The following IFI27 variants were observed in gnomAD, a reference collection of about 807,000 sequenced individuals.
IFI27 encodes interferon alpha inducible protein 27, also known as interferon alpha-inducible protein 27, mitochondrial.
Under a neutral mutation model 8.9 loss-of-function variants are expected in IFI27, and 3 were observed. The ratio of observed to expected loss-of-function variants is 0.34; its 90% CI spans 0.15 to 0.87. The LOEUF is 0.87. IFI27 is among the 40% of genes least tolerant of loss of function. The probability of loss-of-function intolerance (pLI) is 0.51; values close to 1 mark genes in which losing one functional copy is unlikely to be tolerated. For missense variants in IFI27, 152 were observed against 157.7 expected (o/e 0.96, Z 0.19); for synonymous variants, 66 against 67.3 (o/e 0.98, Z 0.09).
chr14:94,106,073 T>A (rs1329016258), upstream of IFI27, among the ~76,000 whole-genome samples: 1 of 152,212 alleles, frequency 6.6e-6, no homozygotes. Context: ...CCCCTTGGTG[T>A]CTGGTCAGGG....
At chr14:94,110,604 A>G (rs189217986), upstream of IFI27, 3 of 152,302 alleles carry the variant, frequency 2.0e-5, no homozygotes, top group African/African-American at 7.2e-5. Context: ...TGGACTGCGC[A>G]TGAGGGGAGA....
In IFI27 at chr14:94,111,640, A is replaced by G; in HGVS notation, c.-43A>G. ...CCTTCGGCAGGTCTGGCTGAAGTTGAGGATCTCTTACTCTCTAGGCCACGG... is the reference window on the plus strand; with the variant it reads ...CCTTCGGCAGGTCTGGCTGAAGTTGGGGATCTCTTACTCTCTAGGCCACGG... On this transcript the variant is annotated 5_prime_UTR_variant, in exon 2 of 5. Coordinates refer to ENST00000621160, the Ensembl canonical transcript of IFI27. The surrounding 1 kb of genome is among the most constrained non-coding windows in gnomAD (Gnocchi z 4.3). 6.5e-7 allele frequency: 1 copy of G among 1,529,508 alleles called. No individual in the cohort carries two copies. Among genetic ancestry groups the G allele is most frequent in the Non-Finnish European group, 9.1e-7 (1 of 1,103,118 alleles). The allele number at this position is 1,529,508 out of a possible 1,614,324, so 94.7% of individuals were successfully genotyped here. A position where few individuals can be genotyped will look rare whatever the true frequency, so the allele number is the denominator to read the frequency against.
intron 2 of IFI27, chr14:94,114,521 A>C (rs1887313739): frequency 2.7e-6 from 1 of 374,112 alleles, no homozygotes; most frequent in Admixed American, 3.9e-5. Context: ...GTTCATTTTC[A>C]TTCTGCTTTT....
chr14:94,115,793 C>T lies in IFI27; in HGVS notation c.134C>T (p.Ala45Val), dbSNP rs1032772430. The T allele has an allele frequency of 4.1e-4, 261 of 641,194 alleles. 1 individual carries two copies. In the South Asian group the frequency reaches 4.5e-3, roughly 11 times the overall value. The allele number at this position is 641,194 out of a possible 1,614,324, so 39.7% of individuals were successfully genotyped here. A position where few individuals can be genotyped will look rare whatever the true frequency, so the allele number is the denominator to read the frequency against. Residue 45 changes from alanine (A) to valine (V), a missense_variant, in exon 4 of 5, where the codon GCG (alanine) becomes GTG (valine). By Grantham distance (64) the Ala-to-Val change is moderately conservative. Coordinates refer to ENST00000621160, the Ensembl canonical transcript of IFI27. ...CTCTTCCCTGCAGTTGTGGCCATGG[C>T]GGCTGTGCCCATGGTGCTCAGTGCC... is the stretch of plus-strand genomic sequence containing the variant.
At chr14:94,106,275 T>C (rs1317883875), upstream of IFI27, among the ~76,000 whole-genome samples, 3 of 152,232 alleles carry the variant, frequency 2.0e-5, no homozygotes, top group Non-Finnish European at 2.9e-5. Context: ...TTAACGAATT[T>C]GGCGGGGCCG....
chr14:94,111,798 T>C lies in IFI27; in HGVS notation c.91+25T>C. 1 of 1,582,310 alleles carries C rather than the reference T, an allele frequency of 6.3e-7. No individual in the cohort carries two copies. Among genetic ancestry groups the C allele is most frequent in the Non-Finnish European group, 8.7e-7 (1 of 1,151,156 alleles). Reference sequence around the variant, plus strand: ...GGTGAGTGTTCCTGGGAGGGGCTGGTGCTGGGGGCGAGGAGGCGGCTGGGA... The same window carrying C: ...GGTGAGTGTTCCTGGGAGGGGCTGGCGCTGGGGGCGAGGAGGCGGCTGGGA... On this transcript the variant is annotated intron_variant, in intron 2 of 4. Transcript: ENST00000621160. This position sits in a 1 kb window ranked among gnomAD's most constrained non-coding sequence, Gnocchi z 4.3.
In IFI27 at chr14:94,116,306, CAG is replaced by C; in HGVS notation, c.284-131_284-130del. 2.9e-6 allele frequency: 2 copies of C among 679,858 alleles called. No homozygotes were observed. Among genetic ancestry groups the C allele is most frequent in the Non-Finnish European group, 2.6e-6 (1 of 380,470 alleles). 42.1% of individuals were successfully genotyped at this position (679,858 alleles called of 1,614,324 possible). On this transcript the variant is annotated intron_variant, in intron 4 of 4. Coordinates refer to ENST00000621160, the Ensembl canonical transcript of IFI27. The surrounding 1 kb of genome is among the most constrained non-coding windows in gnomAD (Gnocchi z 4.3). Reference sequence around the variant, plus strand: ...CAAAGACCCCGAGGGTACTGGGAAACAGAGAGGGGAACTGGGTGGGGTCTGTA... The same window carrying C: ...CAAAGACCCCGAGGGTACTGGGAAACAGAGGGGAACTGGGTGGGGTCTGTA...
At chr14:94,106,150 TG>T (rs763874459), upstream of IFI27, among the ~76,000 whole-genome samples, 7 of 152,188 alleles carry the variant, frequency 4.6e-5, no homozygotes. Flanking sequence ...GGCAGCTCTC[TG>T]GGGGGCCTCT....
At chr14:94,106,328 A>G (rs1887014518), upstream of IFI27, among the ~76,000 whole-genome samples, 1 of 152,230 alleles carries the variant, frequency 6.6e-6, no homozygotes, top group African/African-American at 2.4e-5. Flanking sequence ...TCTTTGGGAT[A>G]TATACCCAGA....
At chr14:94,115,627 C>T in intron 3 of IFI27, 154 bp from the exon 4 acceptor site, 1 of 734,370 alleles carries the variant, frequency 1.4e-6, no homozygotes, top group African/African-American at 1.8e-5. Context: ...GCTGTGCTCC[C>T]CTTGATTCGT....
rs1887207862 is a variant in IFI27, at chr14:94,111,936, G to C, written c.91+163G>C. ...GCGTCCACCCTAACTTTCCATCTGG[G>C]AGGGGGCCCGGGGCAGGCAGACTCT... On this transcript the variant is annotated intron_variant, in intron 2 of 4. Transcript: ENST00000621160. This position sits in a 1 kb window ranked among gnomAD's most constrained non-coding sequence, Gnocchi z 4.3. The C allele has an allele frequency of 3.0e-6, 2 of 667,468 alleles. No individual in the cohort carries two copies. The highest frequency in any genetic ancestry group is 5.4e-6 in the Non-Finnish European group (2 of 371,976). 41.3% of individuals were successfully genotyped at this position (667,468 alleles called of 1,614,324 possible).
Position 94,111,573 on chromosome 14 carries a change from G to A in IFI27, c.-58-52G>A. On this transcript the variant is annotated intron_variant, in intron 1 of 4. Transcript: ENST00000621160. This position sits in a 1 kb window ranked among gnomAD's most constrained non-coding sequence, Gnocchi z 4.3. Reference sequence around the variant, plus strand: ...GTCACATTTTTCAGGACAGTGGGAAGCAAGTCAGGTTGTGTGCCCATCCCG... The same window carrying A: ...GTCACATTTTTCAGGACAGTGGGAAACAAGTCAGGTTGTGTGCCCATCCCG... 1.2e-6 allele frequency: 1 copy of A among 848,516 alleles called. No homozygotes were observed. The highest frequency in any genetic ancestry group is 2.0e-6 in the Non-Finnish European group (1 of 503,678). The allele number at this position is 848,516 out of a possible 1,614,324, so 52.6% of individuals were successfully genotyped here. A position where few individuals can be genotyped will look rare whatever the true frequency, so the allele number is the denominator to read the frequency against.
intron 3 of IFI27, 95 bp from the exon 4 acceptor site, chr14:94,115,686 T>C: frequency 7.7e-7 from 1 of 1,302,092 alleles, no homozygotes; most frequent in African/African-American, 1.5e-5. Context: ...GTTCACCTCT[T>C]TCTCCAGATC....
In IFI27 at chr14:94,111,706, A is replaced by G; in HGVS notation, c.24A>G (p.Ser8=). The G allele has an allele frequency of 6.2e-7, 1 of 1,614,030 alleles. No homozygotes were observed. Among genetic ancestry groups the G allele is most frequent in the South Asian group, 1.1e-5 (1 of 91,090 alleles). Residue 8 remains serine, a synonymous_variant, in exon 2 of 5, where the codon TCA becomes TCG. Transcript: ENST00000621160. The surrounding 1 kb of genome is among the most constrained non-coding windows in gnomAD (Gnocchi z 4.3). ...GCATGGAGGCCTCTGCTCTCACCTC[A>G]TCAGCAGTGACCAGTGTGGCCAAAG... is the stretch of plus-strand genomic sequence containing the variant.
intron 3 of IFI27, chr14:94,115,371 G>C (rs533021813): frequency 5.7e-6 from 3 of 523,836 alleles, no homozygotes; most frequent in African/African-American, 5.7e-5. Context: ...CTGTCTCTTT[G>C]AGCCGCTCTG....
chr14:94,111,781 T>G lies in IFI27; in HGVS notation c.91+8T>G. 6.2e-7 allele frequency: 1 copy of G among 1,609,190 alleles called. No homozygotes were observed. The highest frequency in any genetic ancestry group is 8.5e-7 in the Non-Finnish European group (1 of 1,175,524). On this transcript the variant is annotated splice_region_variant and intron_variant, in intron 2 of 4. Transcript: ENST00000621160. This position sits in a 1 kb window ranked among gnomAD's most constrained non-coding sequence, Gnocchi z 4.3. ...CCGTAGTTTTGCCCCTGGGTGAGTG[T>G]TCCTGGGAGGGGCTGGTGCTGGGGG...
upstream of IFI27, among the ~76,000 whole-genome samples, chr14:94,109,860 C>A (rs922279961): frequency 1.3e-5 from 2 of 152,252 alleles, no homozygotes; most frequent in Admixed American, 1.3e-4. Context: ...GCTTTCTCTT[C>A]CGCCTGTTCT....
At chr14:94,114,787 C>A in intron 2 of IFI27, 64 bp from the exon 3 acceptor site, 1 of 1,582,556 alleles carries the variant, frequency 6.3e-7, no homozygotes, top group Non-Finnish European at 8.7e-7. Flanking sequence ...GATGGGCAAT[C>A]GGCTTAGAAA....
chr14:94,111,820 G>A lies in IFI27; in HGVS notation c.91+47G>A. ...TGGTGCTGGGGGCGAGGAGGCGGCTGGGAAGGGCGGGGGTCCTGTCCCGGG... is the reference window on the plus strand; with the variant it reads ...TGGTGCTGGGGGCGAGGAGGCGGCTAGGAAGGGCGGGGGTCCTGTCCCGGG... On this transcript the variant is annotated intron_variant, in intron 2 of 4. Coordinates refer to ENST00000621160, the Ensembl canonical transcript of IFI27. The surrounding 1 kb of genome is among the most constrained non-coding windows in gnomAD (Gnocchi z 4.3). 7.1e-7 allele frequency: 1 copy of A among 1,402,834 alleles called. No homozygotes were observed. The highest frequency in any genetic ancestry group is 1.0e-6 in the Non-Finnish European group (1 of 987,890). 86.9% of individuals were successfully genotyped at this position (1,402,834 alleles called of 1,614,324 possible).
Sources: gnomAD v4.1 joint callset for allele counts (sites outside exome capture counted in the v4.1 genomes callset) on GRCh38, gnomAD v4.1.1 for gene constraint, Gnocchi (gnomAD v3.1) non-coding constraint, MANE v1.5 for transcripts, NCBI Gene and HGNC (gene_info 2026-07-23, HGNC 2026-07-21) for gene names.